NPAS3: variants seen among roughly 807,000 people sequenced by gnomAD.
NPAS3 encodes the protein neuronal PAS domain-containing protein 3.
Under a neutral mutation model 73.1 loss-of-function variants are expected in NPAS3, and 14 were observed. That is an observed-to-expected ratio of 0.19 (90% CI 0.13 to 0.30). The LOEUF is 0.30. Among genes scored for constraint, NPAS3 ranks in the 10% least tolerant of loss-of-function variants. The pLI is 1.00. For synonymous variants in NPAS3, 620 were observed against 541.5 expected, an observed-to-expected ratio of 1.14 and a Z score of -2.01; for missense variants, 1,096 against 1,250.0, an observed-to-expected ratio of 0.88 and a Z score of 1.86.
chr14:32,999,854 A>T (rs914373088), intron 1 of NPAS3, among the ~76,000 whole-genome samples: 1 of 152,206 alleles, frequency 6.6e-6, no homozygotes, highest in Non-Finnish European at 1.5e-5. Flanking sequence ...ATTATAACTT[A>T]GGATGTACAA....
chr14:33,595,408 G>A (rs375980252), intron 5 of NPAS3, among the ~76,000 whole-genome samples: 6 of 152,126 alleles, frequency 3.9e-5, no homozygotes, highest in South Asian at 2.1e-4. Flanking sequence ...ATAAACTGGA[G>A]AAATCGGCTG....
chr14:33,187,015 T>C (rs933334497), intron 2 of NPAS3, among the ~76,000 whole-genome samples: 16 of 152,334 alleles, frequency 1.1e-4, no homozygotes, highest in Middle Eastern at 3.4e-3. Context: ...TGAGAACTCC[T>C]GCTCTAGTCT....
At chr14:33,057,089 G>A (rs2040916851) in intron 2 of NPAS3, among the ~76,000 whole-genome samples, 1 of 152,088 alleles carries the variant, frequency 6.6e-6, no homozygotes, top group Non-Finnish European at 1.5e-5. Context: ...AGAAATTCTG[G>A]TGGCTGTGAA....
intron 5 of NPAS3, among the ~76,000 whole-genome samples, chr14:33,635,527 G>A (rs1430659471): frequency 6.6e-6 from 1 of 152,206 alleles, no homozygotes; most frequent in East Asian, 1.9e-4. Flanking sequence ...CAGACCCAGA[G>A]GCTCGAGCAG....
rs137992082 is a variant in NPAS3 at position 33,189,333 on chromosome 14, GA to G, written c.141-25848del. Among the ~76,000 whole-genome samples the G allele has an allele frequency of 8.4e-3, 1,273 of 152,234 alleles. 17 individuals are homozygous for G. The highest frequency in any genetic ancestry group is 0.029 in the African/African-American group (1,223 of 41,530). On this transcript the variant is annotated intron_variant, in intron 2 of 11. Transcript: ENST00000356141. ...TTGAATTTCACACTCTGTTTTCAGA[GA>G]CTTGTTCATACGCTATAGGTGAGAG...
At chr14:33,369,511 A>T (rs1466082364) in intron 4 of NPAS3, among the ~76,000 whole-genome samples, 1 of 151,968 alleles carries the variant, frequency 6.6e-6, no homozygotes, top group Admixed American at 6.6e-5. Context: ...TTATGTCCAT[A>T]CAAGAAAACT....
At chr14:33,199,484 A>G (rs2046528500) in intron 2 of NPAS3, among the ~76,000 whole-genome samples, 2 of 152,174 alleles carry the variant, frequency 1.3e-5, no homozygotes, top group South Asian at 2.1e-4. Flanking sequence ...AAGAGAGGCT[A>G]GACAGGCTCT....
intron 3 of NPAS3, among the ~76,000 whole-genome samples, chr14:33,357,525 T>C (rs952043078): frequency 6.6e-6 from 1 of 152,224 alleles, no homozygotes; most frequent in African/African-American, 2.4e-5. Flanking sequence ...CTAATATTCC[T>C]GTTAAAATTG....
chr14:33,403,721 G>C (rs1424457886), intron 4 of NPAS3, among the ~76,000 whole-genome samples: 1 of 152,012 alleles, frequency 6.6e-6, no homozygotes, highest in African/African-American at 2.4e-5. Flanking sequence ...ACCTCCCCCA[G>C]TATTAACTGC....
intron 2 of NPAS3, among the ~76,000 whole-genome samples, chr14:33,069,810 C>A (rs1245991923): frequency 2.0e-5 from 3 of 152,196 alleles, no homozygotes; most frequent in Non-Finnish European, 4.4e-5. Flanking sequence ...CTTTTCACCC[C>A]TGTAACTACC....
chr14:33,691,023 C>G (rs1426901610), intron 6 of NPAS3, among the ~76,000 whole-genome samples: 2 of 152,180 alleles, frequency 1.3e-5, no homozygotes, highest in East Asian at 1.9e-4. Context: ...TAACCTTAGT[C>G]CTAAATTAAG....
chr14:33,420,044 A>C (rs907852650), intron 4 of NPAS3, among the ~76,000 whole-genome samples: 3 of 152,024 alleles, frequency 2.0e-5, no homozygotes, highest in Non-Finnish European at 4.4e-5. Context: ...CAAATGTTTC[A>C]ACATATTTGT....
intron 2 of NPAS3, among the ~76,000 whole-genome samples, chr14:33,178,452 C>A (rs2045678591): frequency 6.6e-6 from 1 of 152,090 alleles, no homozygotes; most frequent in Non-Finnish European, 1.5e-5. Context: ...CATGGAATGT[C>A]TTTCCATTTA....
At chr14:33,038,594 T>A (rs2040249112) in intron 1 of NPAS3, among the ~76,000 whole-genome samples, 1 of 152,152 alleles carries the variant, frequency 6.6e-6, no homozygotes, top group East Asian at 1.9e-4. Context: ...TTTAAAGGGA[T>A]GTCATTATTA....
chr14:33,313,114 A>G lies in NPAS3; in HGVS notation c.386-54072A>G, dbSNP rs1359307304. 2.0e-5 allele frequency among the ~76,000 whole-genome samples: 3 copies of G among 152,160 alleles called. No individual in the cohort carries two copies. The East Asian group carries it at 5.8e-4, about 29-fold the overall frequency. ...TACAATAAGTTTTTCCCTATAAAGA[A>G]TAGCTAGGATGGAACAGTGAAGTGT... On this transcript the variant is annotated intron_variant, in intron 3 of 11. Transcript: ENST00000356141.
chr14:33,026,033 T>C (rs1321754523), intron 1 of NPAS3, among the ~76,000 whole-genome samples: 1 of 152,244 alleles, frequency 6.6e-6, no homozygotes, highest in East Asian at 1.9e-4. Context: ...ATCTTCTTCA[T>C]TGAGGCCTTC....
intron 1 of NPAS3, among the ~76,000 whole-genome samples, chr14:32,947,820 G>A (rs1232662657): frequency 2.0e-5 from 3 of 151,694 alleles, no homozygotes; most frequent in African/African-American, 7.3e-5. Flanking sequence ...CATTTTTATT[G>A]TTCTGTGTAA....
chr14:33,585,531 G>A (rs1423466911), intron 5 of NPAS3, among the ~76,000 whole-genome samples: 1 of 152,072 alleles, frequency 6.6e-6, no homozygotes, highest in Non-Finnish European at 1.5e-5. Context: ...TTGATCTTTT[G>A]GATTGAAATA....
At chr14:33,638,145 A>G (rs1298522375) in intron 5 of NPAS3, among the ~76,000 whole-genome samples, 2 of 152,252 alleles carry the variant, frequency 1.3e-5, no homozygotes, top group African/African-American at 4.8e-5. Context: ...ACATTTCAGC[A>G]TACCAAGCAC....
Sources: gnomAD v4.1 joint callset for allele counts (sites outside exome capture counted in the v4.1 genomes callset) on GRCh38, gnomAD v4.1.1 for gene constraint, MANE v1.5 for transcripts, NCBI Gene and HGNC (gene_info 2026-07-23, HGNC 2026-07-21) for gene names.